Variants in NALCN observed in about 807,000 individuals in gnomAD.
NALCN encodes sodium leak channel, non-selective, also known as sodium leak channel NALCN.
A neutral mutation model predicts 225.3 loss-of-function variants in NALCN; 111 were observed. The observed-to-expected ratio is 0.49, with a 90% CI of 0.42 to 0.58. NALCN has a LOEUF of 0.58. Ranked by LOEUF, NALCN falls within the 20% of genes least tolerant of loss-of-function variation. The pLI is 0.00. For missense variants in NALCN, 1,378 were observed against 2,202.4 expected, an observed-to-expected ratio of 0.63 and a Z score of 7.49; for synonymous variants, 764 against 769.0, an observed-to-expected ratio of 0.99 and a Z score of 0.11.
At chr13:101,150,124 G>A (rs2037566093) in intron 15 of NALCN, among the ~76,000 whole-genome samples, 1 of 148,708 alleles carries the variant, frequency 6.7e-6, no homozygotes, top group Admixed American at 6.8e-5. Context: ...TTGAGTGAAG[G>A]GAGCCAGACG....
intron 18 of NALCN, among the ~76,000 whole-genome samples, chr13:101,119,059 A>G (rs1220373655): frequency 6.6e-6 from 1 of 152,218 alleles, no homozygotes; most frequent in Non-Finnish European, 1.5e-5. Flanking sequence ...GAAAAAGCAA[A>G]TGGTGTGAAA....
chr13:101,415,224 T>TATATATATAC (rs1566669133), intron 1 of NALCN, among the ~76,000 whole-genome samples: 13 of 76,710 alleles, frequency 1.7e-4, no homozygotes, highest in African/African-American at 1.1e-3. Flanking sequence ...TATATATATA[T>TATATATATAC]ACATACATAT....
rs116904414 is a variant in NALCN, at chr13:101,060,900, C to T, written c.4756-933G>A. On this transcript the variant is annotated intron_variant, in intron 41 of 43. Coordinates refer to ENST00000251127, the MANE Select transcript of NALCN (RefSeq NM_052867.4). ...ACAGTGGCCAGCAGTGATGGGACAT[C>T]ACTGGGCAGCTGGCCTTGCTATAGG... Among the ~76,000 whole-genome samples, 605 of 152,342 alleles carry T rather than the reference C, an allele frequency of 4.0e-3. 2 individuals carry two copies. Among genetic ancestry groups the T allele is most frequent in the Non-Finnish European group, 5.2e-3 (354 of 68,030 alleles).
intron 18 of NALCN, among the ~76,000 whole-genome samples, chr13:101,123,653 C>T (rs1329170067): frequency 1.3e-5 from 2 of 152,102 alleles, no homozygotes; most frequent in African/African-American, 2.4e-5. Flanking sequence ...TATGCATGAA[C>T]GTCAGCCAAT....
At chr13:101,164,292 C>T (rs1045299971) in intron 15 of NALCN, among the ~76,000 whole-genome samples, 1 of 151,942 alleles carries the variant, frequency 6.6e-6, no homozygotes, top group Non-Finnish European at 1.5e-5. Flanking sequence ...CTATCTTTAT[C>T]TTTCTTGGGG....
intron 7 of NALCN, among the ~76,000 whole-genome samples, chr13:101,315,883 A>G (rs927849821): frequency 3.0e-4 from 2 of 6,692 alleles, no homozygotes; most frequent in South Asian, 0.022. Flanking sequence ...TTAAGCTACC[A>G]AGCCTGTTTT....
chr13:101,204,195 T>C (rs566009170), intron 13 of NALCN, among the ~76,000 whole-genome samples: 31 of 152,340 alleles, frequency 2.0e-4, no homozygotes, highest in African/African-American at 6.7e-4. Flanking sequence ...TTTATGTTAA[T>C]AGAACTTAGG....
At chr13:101,177,092 A>G (rs2038987535) in intron 14 of NALCN, among the ~76,000 whole-genome samples, 1 of 152,170 alleles carries the variant, frequency 6.6e-6, no homozygotes, top group Admixed American at 6.5e-5. Flanking sequence ...GGAGAGGTCC[A>G]TGTGGTGAGG....
chr13:101,196,758 G>A (rs1353547124), intron 13 of NALCN, among the ~76,000 whole-genome samples: 1 of 152,130 alleles, frequency 6.6e-6, no homozygotes, highest in African/African-American at 2.4e-5. Flanking sequence ...TCAGTCCTAA[G>A]TGTTCACTTC....
chr13:101,240,659 A>T (rs2041726137), intron 11 of NALCN, among the ~76,000 whole-genome samples: 1 of 152,160 alleles, frequency 6.6e-6, no homozygotes, highest in Admixed American at 6.5e-5. Flanking sequence ...GGAATCCATA[A>T]CTTGCTCCTT....
chr13:101,170,467 C>T (rs2038661158), intron 15 of NALCN, among the ~76,000 whole-genome samples: 1 of 152,216 alleles, frequency 6.6e-6, no homozygotes, highest in Non-Finnish European at 1.5e-5. Context: ...CCGACAGATG[C>T]ACCCAGAAAC....
chr13:101,294,625 G>C (rs1372041742), intron 7 of NALCN, among the ~76,000 whole-genome samples: 1 of 137,124 alleles, frequency 7.3e-6, no homozygotes, highest in African/African-American at 2.8e-5. Flanking sequence ...TTCTGGTCCT[G>C]TGATGCCGCC....
intron 42 of NALCN, 69 bp downstream of exon 42, chr13:101,059,749 T>C: frequency 1.4e-6 from 2 of 1,435,802 alleles, no homozygotes; most frequent in Non-Finnish European, 1.9e-6. Context: ...AGCACCCATT[T>C]TATTTATTTT....
At chr13:101,414,225 T>A (rs9585689) in intron 1 of NALCN, among the ~76,000 whole-genome samples, 15,411 of 152,086 alleles carry the variant, frequency 0.1, 2,546 homozygotes, top group African/African-American at 0.35. Context: ...ACTATCATAG[T>A]TTCCACAGCA....
chr13:101,113,278 C>A (rs538001483), intron 18 of NALCN, among the ~76,000 whole-genome samples: 2 of 152,108 alleles, frequency 1.3e-5, no homozygotes, highest in African/African-American at 4.8e-5. Context: ...TGAGGTTGGA[C>A]GGTGGATGCA....
intron 11 of NALCN, among the ~76,000 whole-genome samples, chr13:101,255,103 T>C (rs2042187699): frequency 1.3e-5 from 2 of 152,090 alleles, no homozygotes; most frequent in Admixed American, 6.6e-5. Context: ...TAATATATAC[T>C]GAATTCCACC....
intron 9 of NALCN, among the ~76,000 whole-genome samples, chr13:101,284,920 C>A (rs568935030): frequency 6.6e-6 from 1 of 151,968 alleles, no homozygotes; most frequent in South Asian, 2.1e-4. Context: ...TTCTTAGGAG[C>A]GAGTGTGTGT....
chr13:101,405,305 A>C (rs57566073), intron 1 of NALCN, among the ~76,000 whole-genome samples: 3,403 of 152,288 alleles, frequency 0.022, 111 homozygotes, highest in East Asian at 0.11. Context: ...ATTCAGAGCA[A>C]ATGAATGTAG....
At chr13:101,383,872 G>A (rs1416500194) in intron 3 of NALCN, among the ~76,000 whole-genome samples, 1 of 152,132 alleles carries the variant, frequency 6.6e-6, no homozygotes. Flanking sequence ...TACCATGATT[G>A]TAAATACAAT....
Sources: allele counts gnomAD v4.1 joint callset (sites outside exome capture counted in the v4.1 genomes callset), GRCh38; gene constraint gnomAD v4.1.1; transcripts MANE v1.5; gene names NCBI Gene and HGNC (gene_info 2026-07-23, HGNC 2026-07-21).